The following SVIL variants were observed in gnomAD, a reference collection of about 807,000 sequenced individuals.
SVIL encodes supervillin.
Under a neutral mutation model 240.4 loss-of-function variants are expected in SVIL, and 101 were observed. The ratio of observed to expected loss-of-function variants is 0.42; its 90% CI spans 0.36 to 0.50. SVIL has a LOEUF of 0.50. SVIL is among the 20% of genes least tolerant of loss of function. SVIL has a pLI of 0.01. For synonymous variants in SVIL, 999 were observed against 1,100.0 expected (o/e 0.91, Z 1.82); for missense variants, 2,512 against 2,818.7 (o/e 0.89, Z 2.46).
At chr10:29,474,422 C>T (rs1945940482) in intron 29 of SVIL, among the ~76,000 whole-genome samples, 2 of 152,014 alleles carry the variant, frequency 1.3e-5, no homozygotes, top group African/African-American at 4.8e-5. Flanking sequence ...AGCAAGACCC[C>T]ACCTCTAAAA....
intron 1 of SVIL, among the ~76,000 whole-genome samples, chr10:29,588,092 G>GATGA (rs1173856124): frequency 1.3e-5 from 2 of 151,758 alleles, no homozygotes; most frequent in Non-Finnish European, 2.9e-5. Context: ...GGGCCCCTTT[G>GATGA]TCATTCAGAA....
At chr10:29,694,745 C>A (rs752783531) in intron 1 of SVIL, among the ~76,000 whole-genome samples, 1 of 152,186 alleles carries the variant, frequency 6.6e-6, no homozygotes, top group Non-Finnish European at 1.5e-5. Flanking sequence ...CTGGGCCTGG[C>A]CCCAAAATAC....
intron 1 of SVIL, among the ~76,000 whole-genome samples, chr10:29,608,241 G>A (rs1957097271): frequency 6.6e-6 from 1 of 152,228 alleles, no homozygotes. Flanking sequence ...TGGAAGTGGG[G>A]TTGGCAATTA....
At chr10:29,610,013 C>A (rs547759779) in intron 1 of SVIL, among the ~76,000 whole-genome samples, 2 of 152,192 alleles carry the variant, frequency 1.3e-5, no homozygotes, top group Non-Finnish European at 2.9e-5. Context: ...ACACTGTGAC[C>A]TCCCTCCCCC....
At chr10:29,521,669 T>A (rs1254360231) in intron 16 of SVIL, among the ~76,000 whole-genome samples, 1 of 152,234 alleles carries the variant, frequency 6.6e-6, no homozygotes. Context: ...TTATTCCCAC[T>A]ATTGCATCTT....
intron 2 of SVIL, among the ~76,000 whole-genome samples, chr10:29,660,978 C>T (rs1304690852): frequency 6.6e-6 from 1 of 152,032 alleles, no homozygotes; most frequent in Non-Finnish European, 1.5e-5. Flanking sequence ...ACCATCCTGG[C>T]CAACATGGTG....
At position 29,493,313 on chromosome 10, in the gene SVIL, G is replaced by T. The variant is rs764189507; in HGVS notation, c.3920C>A (p.Thr1307Asn). The change falls in exon 21 of 38, where the codon ACC becomes AAC. Residue 1307 changes from threonine to asparagine, a missense_variant. Thr to Asn is a moderately conservative substitution (Grantham distance 65, BLOSUM62 0). This residue lies in a region of SVIL where 272 missense variants were observed against 406.8 expected (regional missense o/e 0.67). Transcript: ENST00000355867. The stretch of plus-strand genomic sequence containing the variant: ...CACGCTGCGGTAAAATTTGGCAAAG[G>T]TTTCATCATCATCTGGCTTCATCAC... ...KEVMKPDDDE[T>N]FAKFYRSVDY... 3.1e-6 allele frequency: 5 copies of T among 1,614,110 alleles called. No individual in the cohort carries two copies. The highest frequency in any genetic ancestry group is 1.3e-5 in the African/African-American group (1 of 75,004).
At chr10:29,515,002 G>A (rs4261185) in intron 16 of SVIL, among the ~76,000 whole-genome samples, 66,523 of 152,042 alleles carry the variant, frequency 0.44, 15,222 homozygotes, top group African/African-American at 0.55. Flanking sequence ...GAAGTAAGCC[G>A]TGAAGAAAGG....
intron 1 of SVIL, among the ~76,000 whole-genome samples, chr10:29,578,801 A>C (rs1313138694): frequency 3.9e-5 from 6 of 152,338 alleles, no homozygotes; most frequent in Middle Eastern, 6.8e-3. Flanking sequence ...GCAAGCACTG[A>C]AATCACTTCT....
rs1269922338 is a variant in SVIL at position 29,523,983 on chromosome 10, T to C, written c.2631A>G (p.Thr877=). Residue 877 remains threonine (T), a synonymous_variant, in exon 15 of 38, where the codon ACA becomes ACG. Coordinates refer to ENST00000355867, the MANE Select transcript of SVIL (RefSeq NM_021738.3). The stretch of plus-strand genomic sequence containing the variant: ...CCGTGGATGCTACGGTAGACACTGA[T>C]GTGTTCACGGCAGGTGAGAAAGGAA... ...KLIPFSPAVN[T]SVSTVASTVA... 6.2e-7 allele frequency: 1 copy of C among 1,614,208 alleles called. No individual in the cohort carries two copies. Among genetic ancestry groups the C allele is most frequent in the Admixed American group, 1.7e-5 (1 of 60,016 alleles).
rs553228249 is a variant in SVIL, at chr10:29,578,403, C to T, written c.-200-9091G>A. Among the ~76,000 whole-genome samples, 25 of 152,260 alleles carry T rather than the reference C, an allele frequency of 1.6e-4. No homozygotes were observed. In the South Asian group the frequency reaches 3.1e-3, roughly 19 times the overall value. ...AGAAAATCCTGGCATGAATGAATGGCGCCTATGGCTCAAAATCAGCCTGCT... is the reference window on the plus strand; with the variant it reads ...AGAAAATCCTGGCATGAATGAATGGTGCCTATGGCTCAAAATCAGCCTGCT... On this transcript the variant is annotated intron_variant, in intron 1 of 37. Transcript: ENST00000355867.
chr10:29,711,187 G>C (rs1247489461), intron 1 of SVIL, among the ~76,000 whole-genome samples: 5 of 152,214 alleles, frequency 3.3e-5, no homozygotes, highest in African/African-American at 1.2e-4. Context: ...ATCACCTGAA[G>C]TCAGGAGTTC....
chr10:29,507,690 T>C, intron 17 of SVIL: 1 of 896,900 alleles, frequency 1.1e-6, no homozygotes, highest in South Asian at 5.1e-5. Context: ...TCTTTTCCTA[T>C]TGCTCAGAAA....
intron 3 of SVIL, among the ~76,000 whole-genome samples, chr10:29,641,569 AAAAT>A (rs1251658089): frequency 8.5e-5 from 13 of 152,164 alleles, no homozygotes; most frequent in Non-Finnish European, 1.8e-4. Flanking sequence ...ACTCCATCTC[AAAAT>A]AAATAAATAA....
chr10:29,560,740 C>T (rs1018456269), intron 3 of SVIL, among the ~76,000 whole-genome samples: 2 of 152,036 alleles, frequency 1.3e-5, no homozygotes, highest in African/African-American at 4.8e-5. Context: ...AATGAAATTG[C>T]TGGTCTTTCC....
chr10:29,537,035 A>G (rs1172727677), intron 6 of SVIL, among the ~76,000 whole-genome samples: 1 of 151,956 alleles, frequency 6.6e-6, no homozygotes, highest in Non-Finnish European at 1.5e-5. Flanking sequence ...TAAGTTTTGC[A>G]GTGGCACGTT....
intron 12 of SVIL, among the ~76,000 whole-genome samples, chr10:29,527,724 C>A (rs186231307): frequency 4.2e-4 from 42 of 99,908 alleles, no homozygotes; most frequent in African/African-American, 1.0e-3. Flanking sequence ...TGGGCCCAGC[C>A]TTTTTTTTTT....
chr10:29,488,195 G>T (rs549048133), intron 23 of SVIL, among the ~76,000 whole-genome samples: 1 of 150,742 alleles, frequency 6.6e-6, no homozygotes, highest in East Asian at 1.9e-4. Flanking sequence ...GTACTGACTC[G>T]GGGAGAACTG....
At chr10:29,490,603 A>C (rs1947860532) in intron 22 of SVIL, among the ~76,000 whole-genome samples, 1 of 146,282 alleles carries the variant, frequency 6.8e-6, no homozygotes, top group African/African-American at 2.5e-5. Flanking sequence ...AAAAAAAAAA[A>C]CCAAACCCCA....
Sources: allele counts gnomAD v4.1 joint callset (sites outside exome capture counted in the v4.1 genomes callset), GRCh38; gene constraint gnomAD v4.1.1; regional missense constraint gnomAD v4.1.1; transcripts MANE v1.5; gene names NCBI Gene and HGNC (gene_info 2026-07-23, HGNC 2026-07-21).